The following FAM81A variants were observed in gnomAD, a reference collection of about 807,000 sequenced individuals.
FAM81A encodes protein FAM81A.
FAM81A carries 19 observed loss-of-function variants against 46.7 expected under a neutral mutation model. The ratio of observed to expected loss-of-function variants is 0.41; its 90% CI spans 0.28 to 0.60. FAM81A has a LOEUF of 0.60. FAM81A is among the 20% of genes least tolerant of loss of function. The probability of loss-of-function intolerance (pLI) is 0.34; values close to 1 mark genes in which losing one functional copy is unlikely to be tolerated. For synonymous variants in FAM81A, 183 were observed against 152.9 expected (o/e 1.20, Z -1.45); for missense variants, 377 against 453.5 (o/e 0.83, Z 1.53).
At chr15:59,399,627 C>T (rs538009767) in intron 1 of FAM81A, among the ~76,000 whole-genome samples, 2 of 152,110 alleles carry the variant, frequency 1.3e-5, no homozygotes, top group African/African-American at 4.8e-5. Flanking sequence ...TGTGAGGCCA[C>T]AAGAATGAAG....
chr15:59,404,274 G>C (rs752647388), intron 2 of FAM81A, among the ~76,000 whole-genome samples: 1 of 152,108 alleles, frequency 6.6e-6, no homozygotes, highest in Non-Finnish European at 1.5e-5. Flanking sequence ...CGAGGCCTAA[G>C]TGGGAAAGAG....
chr15:59,459,987 A>G lies in FAM81A; in HGVS notation c.75A>G (p.Ser25=), dbSNP rs2141642588. ...AGTCCCTGACCATGGCACCATACTC[A>G]TCTGTAAGCCTCGTGGAGCAGCTGG... ...HSQSLTMAPY[S]SVSLVEQLED... is the part of the protein sequence containing the mutation. The change falls in exon 3 of 9, where the codon TCA becomes TCG. Residue 25 remains serine (S), a synonymous_variant. Coordinates refer to ENST00000288228, the MANE Select transcript of FAM81A (RefSeq NM_152450.3). The G allele has an allele frequency of 1.2e-6, 2 of 1,612,582 alleles. No homozygotes were observed. Among genetic ancestry groups the G allele is most frequent in the Non-Finnish European group, 1.7e-6 (2 of 1,179,272 alleles).
At chr15:59,518,373 G>T (rs2082289502) in intron 8 of FAM81A, among the ~76,000 whole-genome samples, 1 of 152,064 alleles carries the variant, frequency 6.6e-6, no homozygotes, top group Admixed American at 6.6e-5. Context: ...GCCTAGGCCG[G>T]GGTGAAGTGG....
chr15:59,479,284 G>A lies in FAM81A; in HGVS notation c.295-12987G>A, dbSNP rs141913456. Among the ~76,000 whole-genome samples, 19 of 152,114 alleles carry A rather than the reference G, an allele frequency of 1.2e-4. No homozygotes were observed. In the East Asian group the frequency reaches 1.5e-3, roughly 12 times the overall value. The stretch of plus-strand genomic sequence containing the variant: ...CCCAGCACTTTTGGGAGGCCGAGGC[G>A]TGCAGATCACGAGGTCAGGAGTTCA... On this transcript the variant is annotated intron_variant, in intron 3 of 8. Transcript: ENST00000288228.
chr15:59,502,617 G>A (rs1410826017), intron 4 of FAM81A, among the ~76,000 whole-genome samples: 2 of 151,640 alleles, frequency 1.3e-5, no homozygotes, highest in African/African-American at 2.4e-5. Context: ...GGGTTCAAGC[G>A]ATTCTCCTGC....
chr15:59,439,578 A>G (rs749007117), intron 1 of FAM81A, among the ~76,000 whole-genome samples: 2 of 152,152 alleles, frequency 1.3e-5, no homozygotes, highest in Admixed American at 6.5e-5. Flanking sequence ...CTGACTTTCT[A>G]CTTAAAGCTA....
chr15:59,514,659 A>C (rs1472737113), intron 7 of FAM81A, among the ~76,000 whole-genome samples: 7 of 152,226 alleles, frequency 4.6e-5, no homozygotes, highest in African/African-American at 1.7e-4. Context: ...TTCAGTTAAG[A>C]TGAAGTTAAG....
intron 3 of FAM81A, among the ~76,000 whole-genome samples, chr15:59,461,751 A>G (rs1349399422): frequency 2.6e-5 from 4 of 152,150 alleles, no homozygotes; most frequent in Non-Finnish European, 4.4e-5. Flanking sequence ...TCATGAACTG[A>G]TGGGCATTTG....
At chr15:59,437,536 GTTC>G (rs1237166917), upstream of FAM81A, among the ~76,000 whole-genome samples, 2 of 152,224 alleles carry the variant, frequency 1.3e-5, no homozygotes, top group Non-Finnish European at 2.9e-5. Flanking sequence ...GGTGTTCGGG[GTTC>G]TTCTTCTCGT....
chr15:59,488,162 A>G (rs952113357), intron 3 of FAM81A, among the ~76,000 whole-genome samples: 19 of 152,234 alleles, frequency 1.2e-4, no homozygotes, highest in African/African-American at 4.3e-4. Context: ...AAAATGAAAG[A>G]CAAAAAGCAT....
intron 3 of FAM81A, among the ~76,000 whole-genome samples, chr15:59,469,739 T>C (rs2081660974): frequency 6.6e-6 from 1 of 152,226 alleles, no homozygotes; most frequent in African/African-American, 2.4e-5. Flanking sequence ...TTATTATGTG[T>C]GAATTTGATC....
Position 59,501,762 on chromosome 15 carries a change from A to C in FAM81A, c.414-5451A>C, listed in dbSNP as rs549459641. Among the ~76,000 whole-genome samples, 7 of 152,292 alleles carry C rather than the reference A, an allele frequency of 4.6e-5. No individual in the cohort carries two copies. The South Asian group carries it at 1.4e-3, about 32-fold the overall frequency. On this transcript the variant is annotated intron_variant, in intron 4 of 8. Coordinates refer to ENST00000288228, the MANE Select transcript of FAM81A (RefSeq NM_152450.3). ...GGAGGTAACAGCTGTCTAAAGACCC[A>C]AAAAGGGAAAATTTGGAATGAGTAC...
intron 6 of FAM81A, among the ~76,000 whole-genome samples, chr15:59,512,406 A>T (rs1005204351): frequency 7.6e-6 from 1 of 131,748 alleles, no homozygotes; most frequent in Admixed American, 8.9e-5. Flanking sequence ...TGAGAGGCAG[A>T]GGTTGCAGTG....
At chr15:59,446,146 A>G (rs995463542) in intron 1 of FAM81A, among the ~76,000 whole-genome samples, 2 of 152,084 alleles carry the variant, frequency 1.3e-5, no homozygotes, top group Non-Finnish European at 2.9e-5. Flanking sequence ...CGTGGAGATT[A>G]CAGGTTCATG....
At chr15:59,436,584 T>G (rs1488349505), upstream of FAM81A, among the ~76,000 whole-genome samples, 1 of 152,152 alleles carries the variant, frequency 6.6e-6, no homozygotes, top group Non-Finnish European at 1.5e-5. Context: ...GACTCTAGGT[T>G]TGAATGGGTA....
intron 3 of FAM81A, among the ~76,000 whole-genome samples, chr15:59,483,859 C>T (rs1341323311): frequency 6.6e-6 from 1 of 152,208 alleles, no homozygotes. Flanking sequence ...CACTGCTTCG[C>T]ACCCTATAAC....
At chr15:59,421,388 G>GAAATT (rs2081170317) in intron 2 of FAM81A, among the ~76,000 whole-genome samples, 1 of 152,144 alleles carries the variant, frequency 6.6e-6, no homozygotes, top group Non-Finnish European at 1.5e-5. Context: ...ACAACCTGGG[G>GAAATT]AGGACCTTAG....
intron 3 of FAM81A, among the ~76,000 whole-genome samples, chr15:59,491,598 A>G (rs143528905): frequency 2.0e-4 from 30 of 152,336 alleles, no homozygotes; most frequent in African/African-American, 7.2e-4. Context: ...TAGAAACAGT[A>G]AATACTTGAG....
intron 8 of FAM81A, among the ~76,000 whole-genome samples, chr15:59,520,730 A>C (rs2082319328): frequency 6.6e-6 from 1 of 151,922 alleles, no homozygotes; most frequent in African/African-American, 2.4e-5. Context: ...ATACCCAGCT[A>C]ATTTTTGTAT....
Sources: gnomAD v4.1 joint callset for allele counts (sites outside exome capture counted in the v4.1 genomes callset) on GRCh38, gnomAD v4.1.1 for gene constraint, MANE v1.5 for transcripts, NCBI Gene and HGNC (gene_info 2026-07-23, HGNC 2026-07-21) for gene names.